The following HELQ variants were observed in gnomAD, a reference collection of about 807,000 sequenced individuals.
The protein encoded by HELQ is helicase POLQ-like.
In HELQ, 77 loss-of-function variants were observed where a neutral mutation model predicts 111.6. That is an observed-to-expected ratio of 0.69 (90% CI 0.57 to 0.83). The LOEUF is 0.83. Among genes scored for constraint, HELQ ranks in the 40% least tolerant of loss-of-function variants. HELQ has a pLI of 0.00. For missense variants in HELQ, 1,200 were observed against 1,288.5 expected, an observed-to-expected ratio of 0.93 and a Z score of 1.05; for synonymous variants, 438 against 454.7, an observed-to-expected ratio of 0.96 and a Z score of 0.47.
intron 17 of HELQ, among the ~76,000 whole-genome samples, chr4:83,415,378 A>T (rs1022914234): frequency 2.0e-5 from 3 of 152,218 alleles, no homozygotes; most frequent in Admixed American, 6.5e-5. Context: ...CAGAGGTAGT[A>T]CTCTGATGCA....
intron 9 of HELQ, 138 bp from the exon 10 acceptor site, chr4:83,432,405 T>C (rs1720201797): frequency 2.0e-6 from 1 of 501,594 alleles, no homozygotes; most frequent in Non-Finnish European, 3.2e-6. Context: ...TTACCAAGAA[T>C]CTATGATTTC....
chr4:83,418,621 T>G (rs1051766462), intron 15 of HELQ, among the ~76,000 whole-genome samples: 1 of 152,224 alleles, frequency 6.6e-6, no homozygotes, highest in African/African-American at 2.4e-5. Flanking sequence ...ATAAAAATAC[T>G]GGAAGCCATG....
chr4:83,446,324 T>A (rs199660686), intron 4 of HELQ, among the ~76,000 whole-genome samples: 2 of 144,162 alleles, frequency 1.4e-5, no homozygotes, highest in Admixed American at 1.4e-4. Flanking sequence ...ATTTTTTTTT[T>A]AAACGGAGTT....
chr4:83,437,333 C>T (rs78764695), intron 8 of HELQ, among the ~76,000 whole-genome samples: 41 of 152,100 alleles, frequency 2.7e-4, no homozygotes, highest in African/African-American at 7.0e-4. Flanking sequence ...TAAGGAAAGG[C>T]GAAATGCGAT....
In HELQ at chr4:83,448,396, G is replaced by A. The variant is rs552072960; in HGVS notation, c.1191+387C>T. 4.2e-4 allele frequency among the ~76,000 whole-genome samples: 64 copies of A among 151,950 alleles called. 2 individuals are homozygous for A. In the Middle Eastern group the frequency reaches 0.017, roughly 40 times the overall value. On this transcript the variant is annotated intron_variant, in intron 3 of 17. Coordinates refer to ENST00000295488, the MANE Select transcript of HELQ (RefSeq NM_133636.5). ...CATTAAGAGGTACTTCTCACCAGGC[G>A]CAGTGGCTCATGCCTGTAATACCAG... is the stretch of plus-strand genomic sequence containing the variant.
chr4:83,433,033 C>T (rs1720240281), intron 9 of HELQ, among the ~76,000 whole-genome samples: 1 of 151,610 alleles, frequency 6.6e-6, no homozygotes, highest in South Asian at 2.1e-4. Context: ...GCACTCCAGC[C>T]TGGGCAACAG....
chr4:83,425,632 C>A (rs576748429), intron 14 of HELQ, among the ~76,000 whole-genome samples: 1 of 151,968 alleles, frequency 6.6e-6, no homozygotes, highest in African/African-American at 2.4e-5. Context: ...AACAAAAAAC[C>A]CAGACCTGTC....
intron 8 of HELQ, among the ~76,000 whole-genome samples, chr4:83,439,390 C>T (rs1340406752): frequency 3.7e-5 from 5 of 136,682 alleles, no homozygotes; most frequent in Non-Finnish European, 3.1e-5. Context: ...GATGGAGTCT[C>T]GCTGTGTCAC....
At chr4:83,450,427 T>C (rs1560558989) in intron 2 of HELQ, among the ~76,000 whole-genome samples, 2 of 151,624 alleles carry the variant, frequency 1.3e-5, no homozygotes, top group Non-Finnish European at 2.9e-5. Context: ...TATTGTGCTT[T>C]TGGGTGATTC....
rs774376287 is a variant in HELQ at position 83,450,682 on chromosome 4, C to G, written c.1013-1721G>C. ...TTCACATCAAAAAAAAAAAAAAAAA[C>G]TAGCCGGGTACAATGGCTCATATCT... On this transcript the variant is annotated intron_variant, in intron 2 of 17. Coordinates refer to ENST00000295488, the MANE Select transcript of HELQ (RefSeq NM_133636.5). Among the ~76,000 whole-genome samples the G allele has an allele frequency of 4.7e-4, 67 of 143,440 alleles. 1 individual carries two copies. Among genetic ancestry groups the G allele is most frequent in the Middle Eastern group, 7.1e-3 (2 of 280 alleles). 94.1% of individuals were successfully genotyped at this position (143,440 alleles called of 152,430 possible). A position where few individuals can be genotyped will look rare whatever the true frequency, so the allele number is the denominator to read the frequency against.
intron 14 of HELQ, among the ~76,000 whole-genome samples, chr4:83,424,875 C>T (rs759550514): frequency 1.2e-4 from 19 of 152,092 alleles, no homozygotes; most frequent in Non-Finnish European, 1.5e-4. Flanking sequence ...GATTTTATGA[C>T]ACAGTGATGC....
Position 83,455,237 on chromosome 4 carries a change from T to C in HELQ, c.297+160A>G, listed in dbSNP as rs958474328. The C allele has an allele frequency of 2.7e-5, 37 of 1,393,278 alleles. No individual in the cohort carries two copies. The African/African-American group carries it at 4.1e-4, about 15-fold the overall frequency. The allele number at this position is 1,393,278 out of a possible 1,614,324, so 86.3% of individuals were successfully genotyped here. On this transcript the variant is annotated intron_variant, in intron 1 of 17. Coordinates refer to ENST00000295488, the MANE Select transcript of HELQ (RefSeq NM_133636.5). ...TCTCGGGGTTTACATTTCATATTTA[T>C]ATAGAAATGTAAATAACAAGGCAAT...
chr4:83,435,622 T>C (rs1332543615), intron 9 of HELQ, among the ~76,000 whole-genome samples: 1 of 150,808 alleles, frequency 6.6e-6, no homozygotes, highest in East Asian at 1.9e-4. Flanking sequence ...TAAGAGGCAG[T>C]GGTAAGCAAA....
chr4:83,417,671 C>T (rs904926711), intron 16 of HELQ, among the ~76,000 whole-genome samples: 12 of 152,178 alleles, frequency 7.9e-5, no homozygotes, highest in African/African-American at 1.9e-4. Context: ...AAACCAGTTG[C>T]GAACCCTTTC....
chr4:83,439,943 G>A lies in HELQ; in HGVS notation c.1728C>T (p.Pro576=), dbSNP rs899244597. The A allele has an allele frequency of 6.2e-7, 1 of 1,609,632 alleles. No individual in the cohort carries two copies. The highest frequency in any genetic ancestry group is 8.5e-7 in the Non-Finnish European group (1 of 1,176,562). The change falls in exon 8 of 18, where the codon CCC becomes CCT. Residue 576 remains proline, a synonymous_variant. Coordinates refer to ENST00000295488, the MANE Select transcript of HELQ (RefSeq NM_133636.5). ...GACAAAAAACTAAGCAGGAATAATT[G>A]GGAATAACTTCTGTCACCAATGCTA... ...HLVALVTEVI[P]NYSCLVFCPS...
chr4:83,433,665 CAAAA>C (rs1175098887), intron 9 of HELQ, among the ~76,000 whole-genome samples: 2 of 47,088 alleles, frequency 4.2e-5, no homozygotes, highest in Non-Finnish European at 9.7e-5. Flanking sequence ...GACTCCGTCT[CAAAA>C]AAAAAAAAAA....
intron 2 of HELQ, among the ~76,000 whole-genome samples, chr4:83,451,773 A>AAACAGAGGGAAG (rs1180872704): frequency 1.3e-5 from 2 of 152,350 alleles, no homozygotes; most frequent in East Asian, 3.9e-4. Flanking sequence ...GCTAGCAGAA[A>AAACAGAGGGAAG]AACAGAGGGA....
At chr4:83,443,480 G>A (rs376686937) in intron 6 of HELQ, 37 bp downstream of exon 6, 13 of 936,454 alleles carry the variant, frequency 1.4e-5, no homozygotes, top group Admixed American at 7.2e-5. Flanking sequence ...AGATGAATAC[G>A]AAACAAATCA....
intron 14 of HELQ, among the ~76,000 whole-genome samples, chr4:83,423,616 C>A (rs188681033): frequency 3.3e-5 from 5 of 152,076 alleles, no homozygotes; most frequent in Non-Finnish European, 7.4e-5. Flanking sequence ...ATGCCAATGT[C>A]AAGATCTTTT....
Sources: gnomAD v4.1 joint callset for allele counts (sites outside exome capture counted in the v4.1 genomes callset) on GRCh38, gnomAD v4.1.1 for gene constraint, MANE v1.5 for transcripts, NCBI Gene and HGNC (gene_info 2026-07-23, HGNC 2026-07-21) for gene names.